Variants in NECAB1 observed in about 807,000 individuals in gnomAD.
NECAB1 encodes N-terminal EF-hand calcium-binding protein 1.
In NECAB1, 29 loss-of-function variants were observed where a neutral mutation model predicts 57.5. The ratio of observed to expected loss-of-function variants is 0.50; its 90% CI spans 0.38 to 0.69. NECAB1 has a LOEUF of 0.69. Among genes scored for constraint, NECAB1 ranks in the 30% least tolerant of loss-of-function variants. The probability of loss-of-function intolerance (pLI) is 0.00; values close to 1 mark genes in which losing one functional copy is unlikely to be tolerated. For missense variants in NECAB1, 372 were observed against 413.8 expected (o/e 0.90, Z 0.88); for synonymous variants, 142 against 147.7 (o/e 0.96, Z 0.28).
intron 2 of NECAB1, among the ~76,000 whole-genome samples, chr8:90,807,026 A>G (rs1421125678): frequency 1.3e-5 from 2 of 152,100 alleles, no homozygotes. Context: ...TATGTCACCT[A>G]TGTATGTATT....
In NECAB1 at chr8:90,906,887, A is replaced by ATATGTATATATATATATATATATGTG. The variant is rs1554574066; in HGVS notation, c.358-10602_358-10601insGTATATATATATATATATATGTGTAT. Among the ~76,000 whole-genome samples the ATATGTATATATATATATATATATGTG allele has an allele frequency of 6.2e-4, 75 of 121,656 alleles. 2 individuals are homozygous for ATATGTATATATATATATATATATGTG. Among genetic ancestry groups the ATATGTATATATATATATATATATGTG allele is most frequent in the African/African-American group, 2.6e-3 (71 of 26,814 alleles). The allele number at this position is 121,656 out of a possible 152,430, so 79.8% of individuals were successfully genotyped here. ...ACATATGATATACACATATATATATATATATATATATATATATATATATCT... is the reference window on the plus strand; with the variant it reads ...ACATATGATATACACATATATATATATATGTATATATATATATATATATGTGTATATATATATATATATATATATCT... On this transcript the variant is annotated intron_variant, in intron 5 of 12. Coordinates refer to ENST00000417640, the MANE Select transcript of NECAB1 (RefSeq NM_022351.5).
intron 3 of NECAB1, among the ~76,000 whole-genome samples, chr8:90,844,731 G>A (rs1812524040): frequency 6.6e-6 from 1 of 152,054 alleles, no homozygotes; most frequent in African/African-American, 2.4e-5. Flanking sequence ...CTTGTTCTAG[G>A]GAATCTTTAT....
intron 3 of NECAB1, among the ~76,000 whole-genome samples, chr8:90,837,683 A>C (rs1812390868): frequency 3.3e-5 from 5 of 152,212 alleles, no homozygotes; most frequent in Admixed American, 3.3e-4. Context: ...TTTTTAAAAT[A>C]CAAGTGGAAA....
chr8:90,937,816 T>C (rs1389827129), intron 9 of NECAB1, among the ~76,000 whole-genome samples: 2 of 152,228 alleles, frequency 1.3e-5, no homozygotes, highest in African/African-American at 4.8e-5. Flanking sequence ...CTAGTTTTTT[T>C]CTGCCTCTCT....
intron 5 of NECAB1, among the ~76,000 whole-genome samples, chr8:90,904,327 TC>T (rs1331103037): frequency 2.0e-5 from 3 of 151,668 alleles, no homozygotes; most frequent in African/African-American, 7.3e-5. Context: ...ATTGAAATCA[TC>T]AGCTAAATAA....
At chr8:90,955,443 A>C (rs771373031) in intron 12 of NECAB1, 44 bp from the exon 13 acceptor site, 17 of 1,448,096 alleles carry the variant, frequency 1.2e-5, no homozygotes, top group Non-Finnish European at 1.9e-6. Flanking sequence ...TCTTTGCCCT[A>C]TAAGTTATTT....
At chr8:90,822,695 T>G (rs1812161897) in intron 2 of NECAB1, among the ~76,000 whole-genome samples, 1 of 151,822 alleles carries the variant, frequency 6.6e-6, no homozygotes, top group Admixed American at 6.6e-5. Context: ...ATCCACAGGG[T>G]GCACAGGCAA....
chr8:90,918,554 G>A (rs184846274), intron 6 of NECAB1, among the ~76,000 whole-genome samples: 6 of 152,300 alleles, frequency 3.9e-5, no homozygotes, highest in Admixed American at 3.9e-4. Flanking sequence ...ATAGAGGGAT[G>A]GAAGGATGAG....
At chr8:90,865,008 T>C (rs904946010) in intron 3 of NECAB1, among the ~76,000 whole-genome samples, 1 of 152,086 alleles carries the variant, frequency 6.6e-6, no homozygotes, top group African/African-American at 2.4e-5. Context: ...TGGAGAACTA[T>C]GATCAACAGC....
At chr8:90,915,798 C>T (rs1052042150) in intron 5 of NECAB1, among the ~76,000 whole-genome samples, 2 of 152,172 alleles carry the variant, frequency 1.3e-5, no homozygotes, top group Non-Finnish European at 2.9e-5. Context: ...GGCCTGACAG[C>T]CCCTGGCAAA....
chr8:90,918,014 AT>A (rs1810018262), intron 6 of NECAB1, among the ~76,000 whole-genome samples: 3 of 141,466 alleles, frequency 2.1e-5, no homozygotes, highest in African/African-American at 8.0e-5. Flanking sequence ...ATATATATAT[AT>A]TTCTTTTTTT....
chr8:90,934,124 G>A (rs568939000), intron 8 of NECAB1, among the ~76,000 whole-genome samples, 180 bp from the exon 9 acceptor site: 1 of 152,182 alleles, frequency 6.6e-6, no homozygotes, highest in African/African-American at 2.4e-5. Context: ...TGATAAATAA[G>A]TACAAAGAGT....
Position 90,958,197 on chromosome 8 carries a change from T to C in NECAB1, c.*2685T>C, listed in dbSNP as rs1452557857. The C allele has an allele frequency of 6.6e-6, 1 of 151,260 alleles. No individual in the cohort carries two copies. Among genetic ancestry groups the C allele is most frequent in the Non-Finnish European group, 1.5e-5 (1 of 67,608 alleles). The allele number at this position is 151,260 out of a possible 1,614,324, so 9.4% of individuals were successfully genotyped here. ...AACCCAAAAATTGTTCATCCATATA[T>C]AAGAAATTATCGAATTAAAACTTAA... On this transcript the variant is annotated 3_prime_UTR_variant, in exon 13 of 13. Transcript: ENST00000417640.
At chr8:90,835,219 A>G (rs1343733802) in intron 3 of NECAB1, among the ~76,000 whole-genome samples, 1 of 152,116 alleles carries the variant, frequency 6.6e-6, no homozygotes, top group Non-Finnish European at 1.5e-5. Context: ...TTTAGCACAT[A>G]TTGCAAGCTC....
intron 6 of NECAB1, among the ~76,000 whole-genome samples, chr8:90,920,607 G>A (rs1018346287): frequency 2.2e-4 from 33 of 152,284 alleles, no homozygotes; most frequent in African/African-American, 7.7e-4. Flanking sequence ...CCCATCTCAT[G>A]TTACCCATCT....
At chr8:90,954,994 T>C (rs1237370078) in intron 12 of NECAB1, among the ~76,000 whole-genome samples, 6 of 126,516 alleles carry the variant, frequency 4.7e-5, no homozygotes, top group Non-Finnish European at 1.0e-4. Context: ...TATATGTATG[T>C]ATATGTACAC....
intron 11 of NECAB1, 49 bp downstream of exon 11, chr8:90,949,933 T>G: frequency 1.8e-6 from 2 of 1,117,844 alleles, no homozygotes; most frequent in African/African-American, 3.1e-5. Context: ...AAGGTGGCAA[T>G]ATGCATGATG....
chr8:90,869,097 C>T (rs562246932), intron 3 of NECAB1, among the ~76,000 whole-genome samples: 9 of 152,358 alleles, frequency 5.9e-5, no homozygotes, highest in African/African-American at 2.2e-4. Context: ...GGTGCAAGCC[C>T]TAAGCCTTTG....
chr8:90,934,833 C>A lies in NECAB1; in HGVS notation c.747+476C>A, dbSNP rs538453163. On this transcript the variant is annotated intron_variant, in intron 9 of 12. Transcript: ENST00000417640. ...TGATGCAAAAGGGAACATTTGTATCCCTAGGGACAAGATGTCCATCCAGAG... is the reference window on the plus strand; with the variant it reads ...TGATGCAAAAGGGAACATTTGTATCACTAGGGACAAGATGTCCATCCAGAG... Among the ~76,000 whole-genome samples the A allele has an allele frequency of 3.3e-5, 5 of 151,904 alleles. No homozygotes were observed. The South Asian group carries it at 1.0e-3, about 32-fold the overall frequency.
Sources: gnomAD v4.1 joint callset for allele counts (sites outside exome capture counted in the v4.1 genomes callset) on GRCh38, gnomAD v4.1.1 for gene constraint, MANE v1.5 for transcripts, NCBI Gene and HGNC (gene_info 2026-07-23, HGNC 2026-07-21) for gene names.